The following WNT8B variants were observed in gnomAD, a reference collection of about 807,000 sequenced individuals.
WNT8B encodes Wnt family member 8B.
A neutral mutation model predicts 36.6 loss-of-function variants in WNT8B; 24 were observed. The observed-to-expected ratio is 0.66, with a 90% confidence interval of 0.48 to 0.92. The LOEUF is 0.92. WNT8B is among the 40% of genes least tolerant of loss of function. The pLI is 0.00. For synonymous variants in WNT8B, 199 were observed against 189.8 expected (o/e 1.05, Z -0.40); for missense variants, 402 against 470.8 (o/e 0.85, Z 1.35).
intron 1 of WNT8B, among the ~76,000 whole-genome samples, chr10:100,465,339 T>A (rs1388616489): frequency 6.6e-6 from 1 of 152,140 alleles, no homozygotes; most frequent in Non-Finnish European, 1.5e-5. Context: ...TTAATCCTTA[T>A]GGCTCCAAAG....
intron 1 of WNT8B, among the ~76,000 whole-genome samples, chr10:100,466,123 G>A (rs931162582): frequency 3.9e-5 from 6 of 151,942 alleles, no homozygotes; most frequent in African/African-American, 7.3e-5. Context: ...AAACTGTCAC[G>A]ATAGGGGAGG....
chr10:100,480,051 G>A, intron 3 of WNT8B, 39 bp downstream of exon 3: 2 of 1,606,554 alleles, frequency 1.2e-6, no homozygotes, highest in South Asian at 2.2e-5. Flanking sequence ...GGACCCTCTG[G>A]TCACAGGTTA....
At chr10:100,481,771 T>C in intron 4 of WNT8B, 141 bp from the exon 5 acceptor site, 2 of 1,206,128 alleles carry the variant, frequency 1.7e-6, no homozygotes, top group Admixed American at 2.8e-5. Context: ...AGACGGCAAC[T>C]GATCTGGATA....
chr10:100,465,945 C>T (rs1464545556), intron 1 of WNT8B, among the ~76,000 whole-genome samples: 1 of 151,940 alleles, frequency 6.6e-6, no homozygotes, highest in East Asian at 1.9e-4. Flanking sequence ...TTATTGATCT[C>T]CACACTATGT....
intron 1 of WNT8B, among the ~76,000 whole-genome samples, chr10:100,466,673 A>G (rs984484950): frequency 6.6e-6 from 1 of 151,890 alleles, no homozygotes; most frequent in African/African-American, 2.4e-5. Flanking sequence ...GTGTGCTATT[A>G]CATAGTGACA....
At chr10:100,464,505 C>A (rs951084122) in intron 1 of WNT8B, among the ~76,000 whole-genome samples, 1 of 152,156 alleles carries the variant, frequency 6.6e-6, no homozygotes, top group East Asian at 1.9e-4. Context: ...AGATTCCCTT[C>A]CCTAGTCACC....
chr10:100,481,363 C>G (rs1460508586), intron 4 of WNT8B, among the ~76,000 whole-genome samples: 1 of 152,200 alleles, frequency 6.6e-6, no homozygotes, highest in Non-Finnish European at 1.5e-5. Flanking sequence ...AAACAACACT[C>G]TGGGGATTCC....
intron 1 of WNT8B, among the ~76,000 whole-genome samples, chr10:100,468,538 A>G (rs1220256251): frequency 6.6e-6 from 1 of 152,218 alleles, no homozygotes; most frequent in Non-Finnish European, 1.5e-5. Context: ...GAGACCAAGG[A>G]AAGGAGCATG....
In WNT8B at chr10:100,482,744, C is replaced by T. The variant is rs1851136008; in HGVS notation, c.984C>T (p.Val328=). Reference sequence around the variant, plus strand: ...GCTGCGAGCAGTGCCGCCGGAGGGTCACCAAGTACTTCTGTAGCCGCGCAG... The same window carrying T: ...GCTGCGAGCAGTGCCGCCGGAGGGTTACCAAGTACTTCTGTAGCCGCGCAG... ...AVRCEQCRRR[V]TKYFCSRAER... Residue 328 remains valine (V), a synonymous_variant, in exon 6 of 6, where the codon GTC becomes GTT. Transcript: ENST00000343737. This position sits in a 1 kb window ranked among gnomAD's most constrained non-coding sequence, Gnocchi z 6.6. The T allele has an allele frequency of 6.2e-7, 1 of 1,604,540 alleles. No homozygotes were observed. Among genetic ancestry groups the T allele is most frequent in the South Asian group, 1.1e-5 (1 of 90,356 alleles).
rs904177686 is a variant in WNT8B, at chr10:100,481,905, T to C, written c.368-7T>C. The C allele has an allele frequency of 6.2e-7, 1 of 1,614,012 alleles. No individual in the cohort carries two copies. On this transcript the variant is annotated splice_region_variant and splice_polypyrimidine_tract_variant and intron_variant, in intron 4 of 5. Transcript: ENST00000343737. ...CAATGACCTGTCCTCCCTCTGCACT[T>C]TTCCAGGGGGACAAGGCTGGCTGTG...
chr10:100,467,573 G>A (rs978149231), intron 1 of WNT8B, among the ~76,000 whole-genome samples: 1 of 152,126 alleles, frequency 6.6e-6, no homozygotes, highest in African/African-American at 2.4e-5. Flanking sequence ...TCTGTAGTCA[G>A]GTTCTTTAGG....
At chr10:100,467,724 T>G (rs998468569) in intron 1 of WNT8B, among the ~76,000 whole-genome samples, 1 of 152,198 alleles carries the variant, frequency 6.6e-6, no homozygotes, top group African/African-American at 2.4e-5. Flanking sequence ...GATTATTGCT[T>G]TTCAGAATAA....
chr10:100,477,388 T>C (rs1430768202), intron 1 of WNT8B, among the ~76,000 whole-genome samples: 1 of 93,750 alleles, frequency 1.1e-5, no homozygotes, highest in Non-Finnish European at 2.5e-5. Flanking sequence ...GCAAGCTCCA[T>C]TCCCAGGTTC....
rs1851137139 is a variant in WNT8B, at chr10:100,482,783, G to A, written c.1023G>A (p.Gly341=). ...GTAGCCGCGCAGAGCGGCCGCGGGG[G>A]GGCGCTGCGCACAAACCCGGGAGAA... ...YFCSRAERPR[G]GAAHKPGRKP Residue 341 remains glycine, a synonymous_variant, in exon 6 of 6, where the codon GGG becomes GGA. Transcript: ENST00000343737. The surrounding 1 kb of genome is among the most constrained non-coding windows in gnomAD (Gnocchi z 6.6). 1 of 1,586,938 alleles carries A rather than the reference G, an allele frequency of 6.3e-7. No homozygotes were observed. The highest frequency in any genetic ancestry group is 1.7e-5 in the Admixed American group (1 of 57,626).
chr10:100,465,735 C>T (rs1850901130), intron 1 of WNT8B, among the ~76,000 whole-genome samples: 1 of 152,144 alleles, frequency 6.6e-6, no homozygotes, highest in South Asian at 2.1e-4. Flanking sequence ...AAGAATTTAC[C>T]TAAAATCATT....
intron 1 of WNT8B, among the ~76,000 whole-genome samples, chr10:100,466,375 AC>A (rs1235686763): frequency 6.6e-6 from 1 of 152,174 alleles, no homozygotes; most frequent in East Asian, 1.9e-4. Flanking sequence ...CTGAGACATA[AC>A]CAGAGAAGTT....
chr10:100,482,611 G>T lies in WNT8B; in HGVS notation c.851G>T (p.Arg284Leu), dbSNP rs1268554303. 3 of 1,598,876 alleles carry T rather than the reference G, an allele frequency of 1.9e-6. No individual in the cohort carries two copies. In the Admixed American group the frequency reaches 5.0e-5, roughly 27 times the overall value. ...RRGRALGRWE[R>L]RSCRRLCGDC... ...GGGCGGGCCCTGGGTCGCTGGGAAC[G>T]CCGCAGCTGCCGCCGGCTCTGCGGG... The change falls in exon 6 of 6, where the codon CGC (arginine) becomes CTC (leucine). Residue 284 changes from arginine (R) to leucine (L), a missense_variant. This residue lies in a region of WNT8B where 256 missense variants were observed against 278.6 expected (regional missense o/e 0.92). Coordinates refer to ENST00000343737, the MANE Select transcript of WNT8B (RefSeq NM_003393.4). The surrounding 1 kb of genome is among the most constrained non-coding windows in gnomAD (Gnocchi z 6.6).
intron 1 of WNT8B, among the ~76,000 whole-genome samples, chr10:100,471,734 C>T (rs562073481): frequency 1.1e-4 from 16 of 152,166 alleles, no homozygotes; most frequent in Non-Finnish European, 1.9e-4. Flanking sequence ...CTGTGTGAGG[C>T]TGGGTGGCCA....
rs1376491570 is a variant in WNT8B, at chr10:100,479,973, A to G, written c.202A>G (p.Arg68Gly). 1 of 1,613,906 alleles carries G rather than the reference A, an allele frequency of 6.2e-7. No homozygotes were observed. ...CTGGGACCGCTGGAACTGCCCTGAG[A>G]GAGCCCTGCAGCTGTCCAGCCATGG... ...FAWDRWNCPE[R>G]ALQLSSHGGL... is the part of the protein sequence containing the mutation. The change falls in exon 3 of 6, where the codon AGA (arginine) becomes GGA (glycine). Residue 68 changes from arginine to glycine, a missense_variant. By Grantham distance (125) the Arg-to-Gly change is moderately radical. Transcript: ENST00000343737.
Sources: allele counts gnomAD v4.1 joint callset (sites outside exome capture counted in the v4.1 genomes callset), GRCh38; gene constraint gnomAD v4.1.1; regional missense constraint gnomAD v4.1.1; non-coding constraint Gnocchi (gnomAD v3.1); transcripts MANE v1.5; gene names NCBI Gene and HGNC (gene_info 2026-07-23, HGNC 2026-07-21).